Variants in EPC2 observed in about 807,000 individuals in gnomAD.
EPC2 encodes enhancer of polycomb 2.
In EPC2, 14 loss-of-function variants were observed where a neutral mutation model predicts 92.1. The observed-to-expected ratio is 0.15, with a 90% CI of 0.10 to 0.24. EPC2 has a LOEUF of 0.24. Ranked by LOEUF, EPC2 falls within the 10% of genes least tolerant of loss-of-function variation. EPC2 has a pLI of 1.00. For synonymous variants in EPC2, 340 were observed against 334.7 expected (o/e 1.02, Z -0.17); for missense variants, 755 against 971.5 (o/e 0.78, Z 2.96).
In EPC2 at chr2:148,783,761, A is replaced by T; in HGVS notation, c.2017+5A>T. The T allele has an allele frequency of 1.3e-6, 2 of 1,585,210 alleles. No homozygotes were observed. The highest frequency in any genetic ancestry group is 1.7e-6 in the Non-Finnish European group (2 of 1,164,396). On this transcript the variant is annotated splice_donor_5th_base_variant and intron_variant, in intron 12 of 13. Transcript: ENST00000258484. ...ACGGTGTTGTCCAGCCTTCAGGTAC[A>T]GCTGGGGTTTCACATGGTACCTACT... is the stretch of plus-strand genomic sequence containing the variant.
intron 3 of EPC2, among the ~76,000 whole-genome samples, chr2:148,746,728 C>T (rs918284741): frequency 6.6e-6 from 1 of 152,060 alleles, no homozygotes. Context: ...GAAAATATCC[C>T]TATTCTTAAG....
At chr2:148,775,663 A>AAATAAAATTAAATTTAATTTAATTT (rs1683620767) in intron 10 of EPC2, among the ~76,000 whole-genome samples, 4 of 148,136 alleles carry the variant, frequency 2.7e-5, no homozygotes, top group Non-Finnish European at 4.5e-5. Context: ...AAATAAAATT[A>AAATAAAATTAAATTTAATTTAATTT]AATAAAATTA....
At chr2:148,738,481 T>C (rs1434362795) in intron 2 of EPC2, among the ~76,000 whole-genome samples, 14 of 152,252 alleles carry the variant, frequency 9.2e-5, no homozygotes, top group Admixed American at 9.2e-4. Flanking sequence ...TTGTTGTTAT[T>C]ATAAAGCCTT....
At position 148,693,461 on chromosome 2, in the gene EPC2, A is replaced by G. The variant is rs548314158; in HGVS notation, c.313+3088A>G. ...TGTTGACTATAGGATAAAATTTTTAACATCTTTGTGTGATGTATAAGGCAC... is the reference window on the plus strand; with the variant it reads ...TGTTGACTATAGGATAAAATTTTTAGCATCTTTGTGTGATGTATAAGGCAC... On this transcript the variant is annotated intron_variant, in intron 2 of 13. Transcript: ENST00000258484. Among the ~76,000 whole-genome samples, 8 of 152,254 alleles carry G rather than the reference A, an allele frequency of 5.3e-5. No individual in the cohort carries two copies. The South Asian group carries it at 1.7e-3, about 32-fold the overall frequency.
At chr2:148,783,519 T>C (rs1683797653) in intron 11 of EPC2, 78 bp from the exon 12 acceptor site, 21 of 1,374,768 alleles carry the variant, frequency 1.5e-5, no homozygotes, top group Admixed American at 2.1e-5. Flanking sequence ...CAACAGCCTC[T>C]TGGGTTTGCC....
chr2:148,662,343 T>C lies in EPC2; in HGVS notation c.153+17173T>C, dbSNP rs183462362. On this transcript the variant is annotated intron_variant, in intron 1 of 13. Transcript: ENST00000258484. ...TATATACCCAAAGGATTATAAATCA[T>C]GCTGCTATAAAGACACATGGAGATG... Among the ~76,000 whole-genome samples the C allele has an allele frequency of 3.3e-3, 502 of 152,334 alleles. 2 individuals are homozygous for C. The highest frequency in any genetic ancestry group is 0.012 in the African/African-American group (482 of 41,568).
At chr2:148,766,756 A>T (rs969766343) in intron 7 of EPC2, among the ~76,000 whole-genome samples, 1 of 152,238 alleles carries the variant, frequency 6.6e-6, no homozygotes, top group Non-Finnish European at 1.5e-5. Context: ...TATCTACATC[A>T]TACATACTGG....
At chr2:148,772,818 A>G (rs1683552283) in intron 10 of EPC2, among the ~76,000 whole-genome samples, 1 of 151,688 alleles carries the variant, frequency 6.6e-6, no homozygotes, top group Non-Finnish European at 1.5e-5. Context: ...CAAATATTAA[A>G]TCAAATCTTT....
chr2:148,726,765 G>GTTTTTTTTTTTTTTTTTTGTTTTTTTT (rs201293391), intron 2 of EPC2, among the ~76,000 whole-genome samples: 1 of 100,608 alleles, frequency 9.9e-6, no homozygotes, highest in Non-Finnish European at 2.0e-5. Context: ...TTTGTTTTTT[G>GTTTTTTTTTTTTTTTTTTGTTTTTTTT]TTTTTTTTTT....
intron 2 of EPC2, among the ~76,000 whole-genome samples, chr2:148,708,065 T>C (rs1264316444): frequency 2.0e-5 from 3 of 152,128 alleles, no homozygotes; most frequent in Non-Finnish European, 2.9e-5. Context: ...CAGGAGTTGG[T>C]CTTTTGAAAA....
intron 1 of EPC2, among the ~76,000 whole-genome samples, chr2:148,683,600 G>A (rs1371589116): frequency 6.6e-6 from 1 of 152,036 alleles, no homozygotes; most frequent in Non-Finnish European, 1.5e-5. Context: ...CATCCTCATA[G>A]CTTAGCTCCC....
At chr2:148,653,939 CTTTTTTTTTTGT>C (rs1559138487) in intron 1 of EPC2, among the ~76,000 whole-genome samples, 1 of 142,228 alleles carries the variant, frequency 7.0e-6, no homozygotes, top group East Asian at 2.1e-4. Flanking sequence ...TTAAAGATTA[CTTTTTTTTTTGT>C]TTTTTTTTTT....
At chr2:148,779,186 A>T (rs1365075333) in intron 10 of EPC2, among the ~76,000 whole-genome samples, 1 of 152,252 alleles carries the variant, frequency 6.6e-6, no homozygotes, top group Non-Finnish European at 1.5e-5. Flanking sequence ...ATATGTACAC[A>T]AATGATCATG....
At chr2:148,662,024 C>G (rs902367435) in intron 1 of EPC2, among the ~76,000 whole-genome samples, 3 of 152,132 alleles carry the variant, frequency 2.0e-5, no homozygotes, top group Admixed American at 2.0e-4. Flanking sequence ...ACAGACACTT[C>G]TCAAAAGAAG....
At chr2:148,674,843 A>G (rs900462075) in intron 1 of EPC2, among the ~76,000 whole-genome samples, 2 of 152,064 alleles carry the variant, frequency 1.3e-5, no homozygotes, top group African/African-American at 4.8e-5. Context: ...TTTGGACTGT[A>G]TATTGTACAG....
chr2:148,736,393 A>G (rs1682753381), intron 2 of EPC2, among the ~76,000 whole-genome samples: 1 of 152,120 alleles, frequency 6.6e-6, no homozygotes, highest in Non-Finnish European at 1.5e-5. Context: ...GAAAACTAAA[A>G]TGTGGTAGGG....
intron 2 of EPC2, among the ~76,000 whole-genome samples, chr2:148,742,366 G>A (rs1682894817): frequency 6.6e-6 from 1 of 152,168 alleles, no homozygotes; most frequent in South Asian, 2.1e-4. Flanking sequence ...TCAAGTTTTA[G>A]ATCTTTGCTG....
intron 3 of EPC2, among the ~76,000 whole-genome samples, chr2:148,753,003 A>G (rs1271235625): frequency 6.6e-6 from 1 of 152,218 alleles, no homozygotes; most frequent in Non-Finnish European, 1.5e-5. Context: ...TTGAGATAGC[A>G]TCACTTCAGG....
intron 5 of EPC2, chr2:148,762,180 A>G (rs1683313263): frequency 4.2e-6 from 1 of 236,154 alleles, no homozygotes; most frequent in African/African-American, 2.3e-5. Flanking sequence ...TGGCAGAATC[A>G]TTGAATTTTA....
Sources: gnomAD v4.1 joint callset for allele counts (sites outside exome capture counted in the v4.1 genomes callset) on GRCh38, gnomAD v4.1.1 for gene constraint, MANE v1.5 for transcripts, NCBI Gene and HGNC (gene_info 2026-07-23, HGNC 2026-07-21) for gene names.